RALGAPB: variants seen among roughly 807,000 people sequenced by gnomAD.
The protein encoded by RALGAPB is ral GTPase-activating protein subunit beta.
RALGAPB carries 25 observed loss-of-function variants against 161.1 expected under a neutral mutation model. That is an observed-to-expected ratio of 0.16 (90% CI 0.11 to 0.22). The LOEUF (loss-of-function observed/expected upper bound fraction) is 0.22. Ranked by LOEUF, RALGAPB falls within the 10% of genes least tolerant of loss-of-function variation. RALGAPB has a pLI of 1.00. For missense variants in RALGAPB, 1,391 were observed against 1,815.2 expected (o/e 0.77, Z 4.25); for synonymous variants, 629 against 626.1 (o/e 1.00, Z -0.07).
At chr20:38,497,025 A>G (rs1461647080) in intron 3 of RALGAPB, among the ~76,000 whole-genome samples, 2 of 152,182 alleles carry the variant, frequency 1.3e-5, no homozygotes, top group African/African-American at 4.8e-5. Context: ...TGTTCATTCA[A>G]CAAAAACCTA....
At chr20:38,543,516 TC>T (rs1459861671) in intron 18 of RALGAPB, among the ~76,000 whole-genome samples, 1 of 152,198 alleles carries the variant, frequency 6.6e-6, no homozygotes, top group Non-Finnish European at 1.5e-5. Context: ...ACAATTTTGA[TC>T]CTGCTGCTTG....
intron 18 of RALGAPB, among the ~76,000 whole-genome samples, chr20:38,544,069 T>C (rs1452970944): frequency 6.6e-6 from 1 of 152,194 alleles, no homozygotes; most frequent in African/African-American, 2.4e-5. Flanking sequence ...GGATTAGGGC[T>C]CTTGGAAGTC....
Position 38,576,223 on chromosome 20 carries a change from T to G in RALGAPB, c.*1256T>G, listed in dbSNP as rs549477496. On this transcript the variant is annotated 3_prime_UTR_variant, in exon 30 of 30. Transcript: ENST00000262879. The stretch of plus-strand genomic sequence containing the variant: ...TCATTTATCCTATTCTCATGTGCTT[T>G]CTTCTTTAGTAAGATTATTTTAAGA... 1 of 152,802 alleles carries G rather than the reference T, an allele frequency of 6.5e-6. No homozygotes were observed. The highest frequency in any genetic ancestry group is 2.4e-5 in the African/African-American group (1 of 41,596). The allele number at this position is 152,802 out of a possible 1,614,324, so 9.5% of individuals were successfully genotyped here.
rs769726107 is a variant in RALGAPB at position 38,535,108 on chromosome 20, T to A, written c.2280T>A (p.Ile760=). 2.5e-6 allele frequency: 4 copies of A among 1,613,896 alleles called. No individual in the cohort carries two copies. The highest frequency in any genetic ancestry group is 2.5e-6 in the Non-Finnish European group (3 of 1,179,850). The part of the protein sequence containing the change: ...LNTDSAAGLL[I]RSIHLVTQRL... ...CAGATTCAGCTGCTGGGCTCCTGAT[T>A]CGCAGCATTCATCTCGTCACCCAAA... Residue 760 remains isoleucine, a synonymous_variant, in exon 16 of 30, where the codon ATT becomes ATA. Coordinates refer to ENST00000262879, the MANE Select transcript of RALGAPB (RefSeq NM_020336.4).
chr20:38,525,614 T>A (rs1207096909), intron 12 of RALGAPB, 96 bp downstream of exon 12: 2 of 981,008 alleles, frequency 2.0e-6, no homozygotes, highest in Non-Finnish European at 3.1e-6. Context: ...GAGCTTTTTT[T>A]ATTTTTCAAT....
At chr20:38,564,738 G>A (rs1333290471) in intron 24 of RALGAPB, among the ~76,000 whole-genome samples, 1 of 152,132 alleles carries the variant, frequency 6.6e-6, no homozygotes, top group South Asian at 2.1e-4. Context: ...GAGGAAGGTG[G>A]AACATAGGCC....
At chr20:38,496,418 A>G (rs914646313) in intron 3 of RALGAPB, among the ~76,000 whole-genome samples, 1 of 152,192 alleles carries the variant, frequency 6.6e-6, no homozygotes, top group Non-Finnish European at 1.5e-5. Context: ...ACAAATGACA[A>G]TATGTAGAAA....
chr20:38,562,289 T>C (rs1274842700), intron 23 of RALGAPB, among the ~76,000 whole-genome samples: 2 of 152,170 alleles, frequency 1.3e-5, no homozygotes, highest in Non-Finnish European at 2.9e-5. Context: ...ATTATTATTA[T>C]CTCTACTTTA....
intron 18 of RALGAPB, among the ~76,000 whole-genome samples, chr20:38,541,636 A>C (rs1170100190): frequency 1.3e-5 from 2 of 152,186 alleles, no homozygotes; most frequent in Non-Finnish European, 2.9e-5. Context: ...TTAACAACTG[A>C]GAATAGGATC....
chr20:38,474,164 G>C (rs805552), intron 1 of RALGAPB, among the ~76,000 whole-genome samples: 130,526 of 152,238 alleles, frequency 0.86, 55,998 homozygotes, highest in East Asian at 0.91. Flanking sequence ...TGTAGCGTCT[G>C]TAACCTCTGG....
chr20:38,558,540 G>A lies in RALGAPB; in HGVS notation c.3531+87G>A, dbSNP rs1388684111. ...AAAAAATTGAGGCAAAATTAATATG[G>A]AGAGTTTATTTGGGCCAGAGTTGAG... On this transcript the variant is annotated intron_variant, in intron 23 of 29. Coordinates refer to ENST00000262879, the MANE Select transcript of RALGAPB (RefSeq NM_020336.4). 5 of 1,242,142 alleles carry A rather than the reference G, an allele frequency of 4.0e-6. No individual in the cohort carries two copies. The South Asian group carries it at 5.9e-5, about 15-fold the overall frequency. The allele number at this position is 1,242,142 out of a possible 1,614,324, so 76.9% of individuals were successfully genotyped here. A position where few individuals can be genotyped will look rare whatever the true frequency, so the allele number is the denominator to read the frequency against.
chr20:38,516,895 GATTT>G (rs2086142637), intron 7 of RALGAPB, among the ~76,000 whole-genome samples: 1 of 152,174 alleles, frequency 6.6e-6, no homozygotes, highest in African/African-American at 2.4e-5. Flanking sequence ...GAAAGGCAGT[GATTT>G]ATAATATTTT....
intron 23 of RALGAPB, among the ~76,000 whole-genome samples, chr20:38,562,146 G>T (rs1018371441): frequency 2.0e-5 from 3 of 152,184 alleles, no homozygotes; most frequent in Admixed American, 2.0e-4. Context: ...GCATACCTAT[G>T]TAATGTTTCT....
rs756101925 is a variant in RALGAPB, at chr20:38,531,245, A to G, written c.2115+14A>G. The G allele has an allele frequency of 7.0e-6, 11 of 1,571,334 alleles. No homozygotes were observed. The Admixed American group carries it at 1.5e-4, about 22-fold the overall frequency. On this transcript the variant is annotated intron_variant, in intron 14 of 29. Transcript: ENST00000262879. ...CAGATGGAGATGGTAAGAAGCATAC[A>G]TGCAATCTGTCAGAGAATATCACTT...
rs964690383 is a variant in RALGAPB, at chr20:38,549,445, T to A, written c.3009+650T>A. ...GGTCTTGCTTTGTTGCCCAGGCTGA[T>A]CCCAAACTTCTGTCTTCAAGTGATC... On this transcript the variant is annotated intron_variant, in intron 20 of 29. Transcript: ENST00000262879. Among the ~76,000 whole-genome samples, 4 of 151,262 alleles carry A rather than the reference T, an allele frequency of 2.6e-5. No individual in the cohort carries two copies. In the East Asian group the frequency reaches 7.8e-4, roughly 29 times the overall value.
chr20:38,497,930 G>A (rs1254890880), intron 4 of RALGAPB, among the ~76,000 whole-genome samples: 4 of 152,004 alleles, frequency 2.6e-5, no homozygotes, highest in Non-Finnish European at 5.9e-5. Context: ...TTAGCCAGGC[G>A]TGGTGGCACA....
chr20:38,522,974 T>C (rs1214721634), intron 10 of RALGAPB, among the ~76,000 whole-genome samples: 3 of 152,166 alleles, frequency 2.0e-5, no homozygotes, highest in Non-Finnish European at 2.9e-5. Context: ...TTTTCTCTTA[T>C]TGTAGTGTGC....
chr20:38,510,163 CACAG>C lies in RALGAPB; in HGVS notation c.872+959_872+962del, dbSNP rs1189883037. On this transcript the variant is annotated intron_variant, in intron 6 of 29. Coordinates refer to ENST00000262879, the MANE Select transcript of RALGAPB (RefSeq NM_020336.4). ...ACACACACACACACACACACACACA[CACAG>C]ACACACGCATGCATGTAATTTGCAG... Among the ~76,000 whole-genome samples the C allele has an allele frequency of 3.4e-3, 510 of 149,008 alleles. 1 individual carries two copies. The highest frequency in any genetic ancestry group is 5.9e-3 in the Non-Finnish European group (395 of 67,218).
chr20:38,484,513 T>C (rs940335475), intron 1 of RALGAPB, among the ~76,000 whole-genome samples: 7 of 152,230 alleles, frequency 4.6e-5, no homozygotes, highest in African/African-American at 1.4e-4. Flanking sequence ...CATAGATAAG[T>C]TCTTTTTTAG....
Sources: allele counts gnomAD v4.1 joint callset (sites outside exome capture counted in the v4.1 genomes callset), GRCh38; gene constraint gnomAD v4.1.1; transcripts MANE v1.5; gene names NCBI Gene and HGNC (gene_info 2026-07-23, HGNC 2026-07-21).